KLLN: variants seen among roughly 807,000 people sequenced by gnomAD.
The protein encoded by KLLN is killin, p53 regulated DNA replication inhibitor, also known as killin.
For missense variants in KLLN, 340 were observed against 241.3 expected (o/e 1.41, Z -2.71); for synonymous variants, 142 against 102.2 (o/e 1.39, Z -2.35).
chr10:87,862,531 G>C lies in KLLN; in HGVS notation c.-44C>G. 1 of 1,495,916 alleles carries C rather than the reference G, an allele frequency of 6.7e-7. No individual in the cohort carries two copies. The highest frequency in any genetic ancestry group is 2.5e-5 in the East Asian group (1 of 40,358). The allele number at this position is 1,495,916 out of a possible 1,614,324, so 92.7% of individuals were successfully genotyped here. On this transcript the variant is annotated 5_prime_UTR_variant, in exon 1 of 1. Coordinates refer to ENST00000445946, the MANE Select transcript of KLLN (RefSeq NM_001126049.2). ...CGGCCAAGGGGGGGCGGGGCTAGGT[G>C]GTCTCTGAGAACCGAGCTTGACTCC...
chr10:87,860,081 A>G lies in KLLN; in HGVS notation c.*1870T>C, dbSNP rs1181036341. 1 of 151,910 alleles carries G rather than the reference A, an allele frequency of 6.6e-6. No individual in the cohort carries two copies. Among genetic ancestry groups the G allele is most frequent in the Admixed American group, 6.6e-5 (1 of 15,260 alleles). The allele number at this position is 151,910 out of a possible 1,614,324, so 9.4% of individuals were successfully genotyped here. A position where few individuals can be genotyped will look rare whatever the true frequency, so the allele number is the denominator to read the frequency against. Reference sequence around the variant, plus strand: ...AGTGCTTGGAGACCAGTGTATTGTAATATCTATACAGCCAAGCAGGTATTT... The same window carrying G: ...AGTGCTTGGAGACCAGTGTATTGTAGTATCTATACAGCCAAGCAGGTATTT... On this transcript the variant is annotated 3_prime_UTR_variant, in exon 1 of 1. Transcript: ENST00000445946.
rs1366514909 is a variant in KLLN, at chr10:87,862,194, C to A, written c.294G>T (p.Trp98Cys). 1 of 1,551,600 alleles carries A rather than the reference C, an allele frequency of 6.4e-7. No homozygotes were observed. Among genetic ancestry groups the A allele is most frequent in the Non-Finnish European group, 8.7e-7 (1 of 1,146,972 alleles). The change falls in exon 1 of 1, where the codon TGG (tryptophan) becomes TGT (cysteine). Residue 98 changes from tryptophan to cysteine, a missense_variant. Transcript: ENST00000445946. Reference protein sequence around the residue: ...SSSFARGALAWCRQRNPNPSC... With the variant: ...SSSFARGALACCRQRNPNPSC... ...AAGGGTTGGGGTTCCGCTGCCTGCA[C>A]CAGGCAAGAGCACCCCGAGCAAAGG...
At position 87,863,506 on chromosome 10, in the gene KLLN, C is replaced by A; in HGVS notation, c.-1019G>T. Reference sequence around the variant, plus strand: ...CCCGCCTCCCCTCGGTCTTCCGAGGCGCCCGGGCTCCCGGCGCGGCGGCGG... The same window carrying A: ...CCCGCCTCCCCTCGGTCTTCCGAGGAGCCCGGGCTCCCGGCGCGGCGGCGG... On this transcript the variant is annotated 5_prime_UTR_variant, in exon 1 of 1. Coordinates refer to ENST00000445946, the MANE Select transcript of KLLN (RefSeq NM_001126049.2). 2.6e-6 allele frequency: 1 copy of A among 384,722 alleles called. No homozygotes were observed. Among genetic ancestry groups the A allele is most frequent in the East Asian group, 3.7e-5 (1 of 27,234 alleles). The allele number at this position is 384,722 out of a possible 1,614,324, so 23.8% of individuals were successfully genotyped here. A position where few individuals can be genotyped will look rare whatever the true frequency, so the allele number is the denominator to read the frequency against.
In KLLN at chr10:87,860,971, C is replaced by T. The variant is rs149992281; in HGVS notation, c.*980G>A. 1.2e-3 allele frequency: 176 copies of T among 152,354 alleles called. No homozygotes were observed. Among genetic ancestry groups the T allele is most frequent in the African/African-American group, 4.2e-3 (173 of 41,568 alleles). The allele number at this position is 152,354 out of a possible 1,614,324, so 9.4% of individuals were successfully genotyped here. A position where few individuals can be genotyped will look rare whatever the true frequency, so the allele number is the denominator to read the frequency against. On this transcript the variant is annotated 3_prime_UTR_variant, in exon 1 of 1. Transcript: ENST00000445946. The stretch of plus-strand genomic sequence containing the variant: ...TCTCTTACTCTTTTCCGGTTGCTTT[C>T]CATTTCCTTTTCCACTGTGGTCCTT...
rs1386472036 is a variant in KLLN, at chr10:87,862,247, C to T, written c.241G>A (p.Asp81Asn). Residue 81 changes from aspartate (D) to asparagine (N), a missense_variant, in exon 1 of 1, where the codon GAT (aspartate) becomes AAT (asparagine). Physicochemically the swap from Asp to Asn is conservative, Grantham distance 23. Transcript: ENST00000445946. ...GAAGACGACTTGCCTCCGGAGCTAT[C>T]ACTGGGGAGTGGGAATTTGGAAAGT... ...GELSKFPLPS[D>N]SSGGKSSSSF... 3.9e-6 allele frequency: 6 copies of T among 1,551,750 alleles called. No homozygotes were observed. In the South Asian group the frequency reaches 7.1e-5, roughly 18 times the overall value.
Position 87,861,877 on chromosome 10 carries a change from G to A in KLLN, c.*74C>T. ...GCGATGGAGAGGCCCGAGAGCCCTA[G>A]CGCCCAGCTCCTTTTCCCACGTTTG... On this transcript the variant is annotated 3_prime_UTR_variant, in exon 1 of 1. Transcript: ENST00000445946. 4 of 1,389,914 alleles carry A rather than the reference G, an allele frequency of 2.9e-6. No homozygotes were observed. Among genetic ancestry groups the A allele is most frequent in the East Asian group, 2.5e-5 (1 of 39,534 alleles). The allele number at this position is 1,389,914 out of a possible 1,614,324, so 86.1% of individuals were successfully genotyped here.
Position 87,861,901 on chromosome 10 carries a change from T to A in KLLN, c.*50A>T. 7.0e-7 allele frequency: 1 copy of A among 1,429,584 alleles called. No individual in the cohort carries two copies. The highest frequency in any genetic ancestry group is 9.2e-7 in the Non-Finnish European group (1 of 1,084,940). The allele number at this position is 1,429,584 out of a possible 1,614,324, so 88.6% of individuals were successfully genotyped here. A position where few individuals can be genotyped will look rare whatever the true frequency, so the allele number is the denominator to read the frequency against. On this transcript the variant is annotated 3_prime_UTR_variant, in exon 1 of 1. Transcript: ENST00000445946. ...AGCGCCCAGCTCCTTTTCCCACGTT[T>A]GGGAAGGCGCAGAATAGGTCGATGT...
rs1361821513 is a variant in KLLN at position 87,859,180 on chromosome 10, A to C, written c.*2771T>G. ...GCCTTTTGGAGAATGTCTTAAAATT[A>C]TCTTTATTGAAAGAACAATAATGTT... On this transcript the variant is annotated 3_prime_UTR_variant, in exon 1 of 1. Coordinates refer to ENST00000445946, the MANE Select transcript of KLLN (RefSeq NM_001126049.2). 6.6e-6 allele frequency: 1 copy of C among 152,194 alleles called. No individual in the cohort carries two copies. The highest frequency in any genetic ancestry group is 6.5e-5 in the Admixed American group (1 of 15,280). 9.4% of individuals were successfully genotyped at this position (152,194 alleles called of 1,614,324 possible).
At position 87,861,233 on chromosome 10, in the gene KLLN, G is replaced by C. The variant is rs1858250094; in HGVS notation, c.*718C>G. ...TGCGCTAGGTCTCTTGAGGTTTCTA[G>C]TCTTCAGAGGTTGCCTGCAACTATG... is the stretch of plus-strand genomic sequence containing the variant. On this transcript the variant is annotated 3_prime_UTR_variant, in exon 1 of 1. Transcript: ENST00000445946. The C allele has an allele frequency of 6.6e-6, 1 of 152,168 alleles. No individual in the cohort carries two copies. Among genetic ancestry groups the C allele is most frequent in the Non-Finnish European group, 1.5e-5 (1 of 68,030 alleles). 9.4% of individuals were successfully genotyped at this position (152,168 alleles called of 1,614,324 possible).
Position 87,862,718 on chromosome 10 carries a change from A to G in KLLN, c.-231T>C, listed in dbSNP as rs905563548. On this transcript the variant is annotated 5_prime_UTR_variant, in exon 1 of 1. The change abolishes the stop of an existing upstream ORF in the 5' untranslated region. Coordinates refer to ENST00000445946, the MANE Select transcript of KLLN (RefSeq NM_001126049.2). ...TTTGGGCCCTTGAAATTCAACGGCT[A>G]TGTGTTCACGTTCAGCACGCTCGGC... The G allele has an allele frequency of 3.8e-5, 22 of 577,674 alleles. No homozygotes were observed. The Admixed American group carries it at 4.6e-4, about 12-fold the overall frequency. 35.8% of individuals were successfully genotyped at this position (577,674 alleles called of 1,614,324 possible).
rs372344241 is a variant in KLLN at position 87,862,228 on chromosome 10, G to A, written c.260C>T (p.Ser87Leu). The A allele has an allele frequency of 1.9e-5, 29 of 1,551,690 alleles. No homozygotes were observed. The highest frequency in any genetic ancestry group is 3.3e-4 in the Middle Eastern group (2 of 5,992). ...AGCACCCCGAGCAAAGGAAGAAGAC[G>A]ACTTGCCTCCGGAGCTATCACTGGG... ...PLPSDSSGGK[S>L]SSSFARGALA... Residue 87 changes from serine (S) to leucine (L), a missense_variant, in exon 1 of 1, where the codon TCG (serine) becomes TTG (leucine). By Grantham distance (145) the Ser-to-Leu change is moderately radical (BLOSUM62 -2). Coordinates refer to ENST00000445946, the MANE Select transcript of KLLN (RefSeq NM_001126049.2).
In KLLN at chr10:87,860,474, G is replaced by A. The variant is rs963332533; in HGVS notation, c.*1477C>T. On this transcript the variant is annotated 3_prime_UTR_variant, in exon 1 of 1. Coordinates refer to ENST00000445946, the MANE Select transcript of KLLN (RefSeq NM_001126049.2). ...ATTCTAGCACTTTAGTGCTGGTGAT[G>A]CAGATTATCTCTGCTCCAGAGTAAC... 1.3e-5 allele frequency: 2 copies of A among 152,260 alleles called. No individual in the cohort carries two copies. The highest frequency in any genetic ancestry group is 6.5e-5 in the Admixed American group (1 of 15,282). The allele number at this position is 152,260 out of a possible 1,614,324, so 9.4% of individuals were successfully genotyped here. A position where few individuals can be genotyped will look rare whatever the true frequency, so the allele number is the denominator to read the frequency against.
In KLLN at chr10:87,862,298, T is replaced by G. The variant is rs1355394804; in HGVS notation, c.190A>C (p.Arg64=). ...RATVGTTFRR[R]SRVSLVGELS... ...TCCCCAACTAGGGACACACGTGACC[T>G]CCTTCGGAAAGTAGTTCCGACTGTG... The change falls in exon 1 of 1, where the codon AGG becomes CGG. Residue 64 remains arginine, a synonymous_variant. Coordinates refer to ENST00000445946, the MANE Select transcript of KLLN (RefSeq NM_001126049.2). 1.9e-6 allele frequency: 3 copies of G among 1,551,744 alleles called. No individual in the cohort carries two copies. The highest frequency in any genetic ancestry group is 2.0e-5 in the Admixed American group (1 of 51,010).
In KLLN at chr10:87,862,527, AGGT is replaced by A; in HGVS notation, c.-43_-41del. 6.6e-7 allele frequency: 1 copy of A among 1,506,362 alleles called. No homozygotes were observed. The highest frequency in any genetic ancestry group is 8.9e-7 in the Non-Finnish European group (1 of 1,121,574). 93.3% of individuals were successfully genotyped at this position (1,506,362 alleles called of 1,614,324 possible). A position where few individuals can be genotyped will look rare whatever the true frequency, so the allele number is the denominator to read the frequency against. ...ACGGCGGCCAAGGGGGGGCGGGGCTAGGTGGTCTCTGAGAACCGAGCTTGACTC... is the reference window on the plus strand; with the variant it reads ...ACGGCGGCCAAGGGGGGGCGGGGCTAGGTCTCTGAGAACCGAGCTTGACTC... On this transcript the variant is annotated 5_prime_UTR_variant, in exon 1 of 1. Transcript: ENST00000445946.
rs1478683393 is a variant in KLLN, at chr10:87,862,046, A to C, written c.442T>G (p.Cys148Gly). 1 of 1,490,420 alleles carries C rather than the reference A, an allele frequency of 6.7e-7. No individual in the cohort carries two copies. Among genetic ancestry groups the C allele is most frequent in the East Asian group, 2.5e-5 (1 of 40,446 alleles). The allele number at this position is 1,490,420 out of a possible 1,614,324, so 92.3% of individuals were successfully genotyped here. A position where few individuals can be genotyped will look rare whatever the true frequency, so the allele number is the denominator to read the frequency against. The change falls in exon 1 of 1, where the codon TGC (cysteine) becomes GGC (glycine). Residue 148 changes from cysteine to glycine, a missense_variant. Coordinates refer to ENST00000445946, the MANE Select transcript of KLLN (RefSeq NM_001126049.2). ...TCTGTAAGAATCGGCGGCAGCCAGC[A>C]GGCGGGGAGGCGGGGGCACGTGTTT... ...HPNTCPRLPA[C>G]WLPPILTERG...
chr10:87,862,747 G>A lies in KLLN; in HGVS notation c.-260C>T, dbSNP rs1564799559. On this transcript the variant is annotated 5_prime_UTR_variant, in exon 1 of 1. Transcript: ENST00000445946. ...GTTCACGTTCAGCACGCTCGGCTGA[G>A]AGCTTTCATTTTTAGGGCAAACGAG... 5 of 520,550 alleles carry A rather than the reference G, an allele frequency of 9.6e-6. No individual in the cohort carries two copies. The highest frequency in any genetic ancestry group is 1.8e-5 in the Non-Finnish European group (5 of 282,522). The allele number at this position is 520,550 out of a possible 1,614,324, so 32.2% of individuals were successfully genotyped here.
In KLLN at chr10:87,859,995, C is replaced by T. The variant is rs1291137741; in HGVS notation, c.*1956G>A. On this transcript the variant is annotated 3_prime_UTR_variant, in exon 1 of 1. Transcript: ENST00000445946. The stretch of plus-strand genomic sequence containing the variant: ...GAACCGAGATCATGCCACTGCACTC[C>T]AGCCTGTGAGACTCCGTCTCAAAAA... The T allele has an allele frequency of 7.8e-6, 1 of 127,648 alleles. No homozygotes were observed. Among genetic ancestry groups the T allele is most frequent in the Admixed American group, 9.1e-5 (1 of 11,030 alleles). 7.9% of individuals were successfully genotyped at this position (127,648 alleles called of 1,614,324 possible).
rs1402112165 is a variant in KLLN at position 87,863,174 on chromosome 10, G to T, written c.-687C>A. The T allele has an allele frequency of 1.6e-5, 3 of 186,124 alleles. No individual in the cohort carries two copies. In the Admixed American group the frequency reaches 1.9e-4, roughly 12 times the overall value. 11.5% of individuals were successfully genotyped at this position (186,124 alleles called of 1,614,324 possible). The stretch of plus-strand genomic sequence containing the variant: ...GCACCCATCTCAGCTTTCATCATCA[G>T]TCCTCCACCCCCGCCCCACAACAGC... On this transcript the variant is annotated 5_prime_UTR_variant, in exon 1 of 1. In the 5' UTR this introduces an upstream ATG that the reference lacks. Coordinates refer to ENST00000445946, the MANE Select transcript of KLLN (RefSeq NM_001126049.2).
chr10:87,862,395 C>T lies in KLLN; in HGVS notation c.93G>A (p.Lys31=). Residue 31 remains lysine, a synonymous_variant, in exon 1 of 1, where the codon AAG becomes AAA. Coordinates refer to ENST00000445946, the MANE Select transcript of KLLN (RefSeq NM_001126049.2). ...RVEWKVRNGR[K]LQPSEWAGRG... ...GCCCCGCCCACTCGCTGGGCTGCAGCTTCCTACCGTTCCGTACTTTCCACT... is the reference window on the plus strand; with the variant it reads ...GCCCCGCCCACTCGCTGGGCTGCAGTTTCCTACCGTTCCGTACTTTCCACT... 2 of 1,551,710 alleles carry T rather than the reference C, an allele frequency of 1.3e-6. No homozygotes were observed. The highest frequency in any genetic ancestry group is 2.4e-5 in the South Asian group (2 of 84,062).
Sources: allele counts gnomAD v4.1 joint callset, GRCh38; gene constraint gnomAD v4.1.1; transcripts MANE v1.5; gene names NCBI Gene and HGNC (gene_info 2026-07-23, HGNC 2026-07-21).